Variants in LRPPRC observed in about 807,000 individuals in gnomAD.
LRPPRC encodes leucine rich pentatricopeptide repeat containing.
LRPPRC carries 120 observed loss-of-function variants against 180.3 expected under a neutral mutation model. That is an observed-to-expected ratio of 0.67 (90% CI 0.57 to 0.77). The LOEUF is 0.77. LRPPRC is among the 30% of genes least tolerant of loss of function. The pLI is 0.00. For missense variants in LRPPRC, 2,012 were observed against 1,657.2 expected (o/e 1.21, Z -3.72); for synonymous variants, 723 against 600.0 (o/e 1.21, Z -3.00).
intron 1 of LRPPRC, among the ~76,000 whole-genome samples, chr2:43,988,461 G>C (rs1022205375): frequency 6.6e-6 from 1 of 152,074 alleles, no homozygotes; most frequent in Admixed American, 6.5e-5. Context: ...GCTTGAACCT[G>C]GGAGGCAGAG....
chr2:43,947,115 T>TA (rs1044176614), intron 20 of LRPPRC, 142 bp downstream of exon 20: 2 of 566,178 alleles, frequency 3.5e-6, no homozygotes, highest in Non-Finnish European at 6.2e-6. Context: ...TGAAATTAGT[T>TA]AACCTTTCAT....
intron 31 of LRPPRC, chr2:43,903,503 A>G (rs1670959858): frequency 6.7e-6 from 1 of 148,866 alleles, no homozygotes; most frequent in East Asian, 2.0e-4. Context: ...GGAATAGTGC[A>G]AACACTACTC....
chr2:43,992,504 C>T lies in LRPPRC; in HGVS notation c.149+3295G>A, dbSNP rs552656200. ...TCATAAAGCACCTGTGCTAAAGAGT[C>T]TGGATCTCCTTCTGGACCCAATGGG... is the stretch of plus-strand genomic sequence containing the variant. On this transcript the variant is annotated intron_variant, in intron 1 of 37. Transcript: ENST00000260665. 1.7e-4 allele frequency among the ~76,000 whole-genome samples: 26 copies of T among 152,324 alleles called. No individual in the cohort carries two copies. The East Asian group carries it at 3.9e-3, about 23-fold the overall frequency.
chr2:43,975,710 G>T (rs2103719655), intron 6 of LRPPRC, among the ~76,000 whole-genome samples: 1 of 151,922 alleles, frequency 6.6e-6, no homozygotes, highest in South Asian at 2.1e-4. Flanking sequence ...AGACTCCCAA[G>T]TAGCTGGGAT....
intron 23 of LRPPRC, among the ~76,000 whole-genome samples, chr2:43,938,753 A>G (rs1672363160): frequency 6.6e-6 from 1 of 152,176 alleles, no homozygotes; most frequent in Admixed American, 6.5e-5. Flanking sequence ...ACATCCACCA[A>G]TCATAAAACT....
chr2:43,915,224 TCTCTCTCTCACACACACA>T (rs1275752952), intron 29 of LRPPRC, among the ~76,000 whole-genome samples: 127 of 99,640 alleles, frequency 1.3e-3, no homozygotes, highest in African/African-American at 5.7e-3. Context: ...TCTCTCTCTC[TCTCTCTCTCACACACACA>T]CACACACACA....
chr2:43,905,778 G>A lies in LRPPRC; in HGVS notation c.3278C>T (p.Ala1093Val), dbSNP rs200140347. 16 of 1,602,502 alleles carry A rather than the reference G, an allele frequency of 1.0e-5. No homozygotes were observed. In the Middle Eastern group the frequency reaches 5.0e-4, roughly 50 times the overall value. The change falls in exon 31 of 38, where the codon GCG (alanine) becomes GTG (valine). Residue 1093 changes from alanine (A) to valine (V), a missense_variant and splice_region_variant. Physicochemically the swap from Ala to Val is moderately conservative, Grantham distance 64 (BLOSUM62 0). Coordinates refer to ENST00000260665, the MANE Select transcript of LRPPRC (RefSeq NM_133259.4). ...FTQAMEVKAF[A>V]ETHIKGFTLN... ...TGTGAAGCCCTTGATGTGGGTCTCC[G>A]CGCTAAAAGAAGCAGACATTTAGAA...
At chr2:43,934,148 C>A in intron 25 of LRPPRC, 42 bp downstream of exon 25, 1 of 1,121,868 alleles carries the variant, frequency 8.9e-7, no homozygotes, top group Non-Finnish European at 1.4e-6. Flanking sequence ...AATTAAGAGT[C>A]TAAATAGCTC....
At chr2:43,981,853 C>A (rs1158283469) in intron 2 of LRPPRC, among the ~76,000 whole-genome samples, 1 of 151,930 alleles carries the variant, frequency 6.6e-6, no homozygotes, top group Non-Finnish European at 1.5e-5. Flanking sequence ...TAATTGCAGC[C>A]ATTATGTTTA....
intron 36 of LRPPRC, chr2:43,892,824 T>G (rs1670540169): frequency 6.6e-6 from 1 of 152,006 alleles, no homozygotes; most frequent in Non-Finnish European, 1.5e-5. Flanking sequence ...AAAAAACATG[T>G]TTCATAAGGC....
At position 43,974,713 on chromosome 2, in the gene LRPPRC, C is replaced by A. The variant is rs1673972700; in HGVS notation, c.910G>T (p.Asp304Tyr). The part of the protein sequence containing the change: ...EKSELHLMDR[D>Y]LLQIIFSFSK... The stretch of plus-strand genomic sequence containing the variant: ...AAGCTAAAAATAATTTGCAGTAAAT[C>A]ACGGTCCATAAGGTGAAGCTCGGAC... Residue 304 changes from aspartate (D) to tyrosine (Y), a missense_variant, in exon 8 of 38, where the codon GAT becomes TAT. Coordinates refer to ENST00000260665, the MANE Select transcript of LRPPRC (RefSeq NM_133259.4). 1 of 1,613,482 alleles carries A rather than the reference C, an allele frequency of 6.2e-7. No homozygotes were observed. Among genetic ancestry groups the A allele is most frequent in the African/African-American group, 1.3e-5 (1 of 74,860 alleles).
intron 14 of LRPPRC, among the ~76,000 whole-genome samples, chr2:43,956,637 C>T (rs1309522395): frequency 6.6e-6 from 1 of 152,098 alleles, no homozygotes; most frequent in Non-Finnish European, 1.5e-5. Context: ...TGCCTGTAAA[C>T]CCAGCACTTT....
intron 1 of LRPPRC, among the ~76,000 whole-genome samples, chr2:43,990,544 C>G (rs1674728627): frequency 6.6e-6 from 1 of 152,138 alleles, no homozygotes; most frequent in African/African-American, 2.4e-5. Context: ...CAACTTCCAC[C>G]ACATCCCACA....
intron 29 of LRPPRC, among the ~76,000 whole-genome samples, chr2:43,917,088 T>G (rs1366685846): frequency 6.8e-6 from 1 of 147,588 alleles, no homozygotes; most frequent in Non-Finnish European, 1.5e-5. Context: ...GTCGCTAGTC[T>G]GGAGTGCAGT....
chr2:43,979,969 G>C lies in LRPPRC; in HGVS notation c.347-21C>G, dbSNP rs369630430. On this transcript the variant is annotated intron_variant, in intron 2 of 37. Transcript: ENST00000260665. ...GCCACCTGTGGAAAAAAGGTTAATGGATAACATTTAACATAGCAGCAATAT... is the reference window on the plus strand; with the variant it reads ...GCCACCTGTGGAAAAAAGGTTAATGCATAACATTTAACATAGCAGCAATAT... 53 of 1,610,470 alleles carry C rather than the reference G, an allele frequency of 3.3e-5. No homozygotes were observed. In the African/African-American group the frequency reaches 6.4e-4, roughly 19 times the overall value.
At chr2:43,969,320 G>C (rs190958867) in intron 11 of LRPPRC, among the ~76,000 whole-genome samples, 18 of 151,960 alleles carry the variant, frequency 1.2e-4, no homozygotes, top group Admixed American at 3.9e-4. Flanking sequence ...GCTGAGGCAG[G>C]AGAATGGCGT....
chr2:43,913,750 C>T (rs1387802552), intron 29 of LRPPRC, among the ~76,000 whole-genome samples: 1 of 152,110 alleles, frequency 6.6e-6, no homozygotes, highest in African/African-American at 2.4e-5. Context: ...ATTAAATTTC[C>T]AAGTGCTTTA....
At chr2:43,995,536 G>C (rs1040243365) in intron 1 of LRPPRC, among the ~76,000 whole-genome samples, 29 of 152,220 alleles carry the variant, frequency 1.9e-4, no homozygotes, top group African/African-American at 7.0e-4. Context: ...GGTACCCCGA[G>C]GGCAGTAAGG....
chr2:43,990,550 C>G (rs565577772), intron 1 of LRPPRC, among the ~76,000 whole-genome samples: 1 of 152,276 alleles, frequency 6.6e-6, no homozygotes, highest in African/African-American at 2.4e-5. Flanking sequence ...CCACCACATC[C>G]CACACAGCTA....
Sources: gnomAD v4.1 joint callset for allele counts (sites outside exome capture counted in the v4.1 genomes callset) on GRCh38, gnomAD v4.1.1 for gene constraint, MANE v1.5 for transcripts, NCBI Gene and HGNC (gene_info 2026-07-23, HGNC 2026-07-21) for gene names.